Variants in CSMD1 observed in about 807,000 individuals in gnomAD.
CSMD1 encodes the protein CUB and Sushi multiple domains 1.
Under a neutral mutation model 417.5 loss-of-function variants are expected in CSMD1, and 213 were observed. That is an observed-to-expected ratio of 0.51 (90% CI 0.46 to 0.57). The LOEUF is 0.57. Among genes scored for constraint, CSMD1 ranks in the 20% least tolerant of loss-of-function variants. The pLI, the probability that CSMD1 is intolerant of heterozygous loss-of-function variation, is 0.00. For missense variants in CSMD1, 6,923 were observed against 4,529.7 expected, an observed-to-expected ratio of 1.53 and a Z score of -15.17; for synonymous variants, 2,862 against 1,736.8, an observed-to-expected ratio of 1.65 and a Z score of -16.11.
intron 3 of CSMD1, among the ~76,000 whole-genome samples, chr8:4,131,781 G>C (rs1361104034): frequency 1.7e-4 from 2 of 11,594 alleles, no homozygotes; most frequent in African/African-American, 6.4e-4. Context: ...TTTTTTTTTT[G>C]AGACGGAGTC....
At chr8:2,954,580 A>T (rs1585045926) in intron 64 of CSMD1, among the ~76,000 whole-genome samples, 1 of 152,162 alleles carries the variant, frequency 6.6e-6, no homozygotes. Context: ...TGTTTGGAAT[A>T]CCCTGCCACA....
At chr8:3,612,515 G>T (rs940833832) in intron 8 of CSMD1, among the ~76,000 whole-genome samples, 1 of 152,092 alleles carries the variant, frequency 6.6e-6, no homozygotes, top group Non-Finnish European at 1.5e-5. Context: ...TTATTTTCAA[G>T]TGGTCATGGA....
chr8:4,659,427 G>T lies in CSMD1; in HGVS notation c.86-21869C>A, dbSNP rs192711909. 3.6e-3 allele frequency among the ~76,000 whole-genome samples: 542 copies of T among 152,236 alleles called. 4 individuals carry two copies. Among genetic ancestry groups the T allele is most frequent in the African/African-American group, 0.012 (512 of 41,544 alleles). On this transcript the variant is annotated intron_variant, in intron 1 of 69. Transcript: ENST00000635120. Reference sequence around the variant, plus strand: ...ACAATAGAATCTACAAACATAATGTGACATAGACTTGCAGTGGAATACCAC... The same window carrying T: ...ACAATAGAATCTACAAACATAATGTTACATAGACTTGCAGTGGAATACCAC...
At chr8:4,656,494 A>G (rs965259730) in intron 1 of CSMD1, among the ~76,000 whole-genome samples, 7 of 151,964 alleles carry the variant, frequency 4.6e-5, no homozygotes, top group Non-Finnish European at 1.0e-4. Context: ...ACCATTTCAT[A>G]AAAAAATCCA....
intron 11 of CSMD1, among the ~76,000 whole-genome samples, chr8:3,475,606 T>A (rs866949229): frequency 2.6e-5 from 4 of 152,300 alleles, no homozygotes; most frequent in African/African-American, 7.2e-5. Flanking sequence ...TAATCCAACC[T>A]GAAGGAACTC....
At chr8:4,604,445 A>T (rs905362181) in intron 2 of CSMD1, among the ~76,000 whole-genome samples, 1 of 150,572 alleles carries the variant, frequency 6.6e-6, no homozygotes, top group Non-Finnish European at 1.5e-5. Flanking sequence ...CCAGGAAGGA[A>T]GGATCATCAA....
At chr8:3,208,325 G>C (rs545130800) in intron 30 of CSMD1, among the ~76,000 whole-genome samples, 4 of 152,112 alleles carry the variant, frequency 2.6e-5, no homozygotes, top group Admixed American at 6.6e-5. Context: ...GGAGTGCAGT[G>C]GTGTGATGTC....
chr8:3,667,383 G>A (rs997219004), intron 7 of CSMD1, among the ~76,000 whole-genome samples: 24 of 152,198 alleles, frequency 1.6e-4, no homozygotes, highest in African/African-American at 2.6e-4. Flanking sequence ...GAAAGGTCTC[G>A]GAGGAGTGAA....
intron 10 of CSMD1, among the ~76,000 whole-genome samples, chr8:3,496,425 C>T (rs991186610): frequency 6.6e-6 from 1 of 152,210 alleles, no homozygotes; most frequent in Non-Finnish European, 1.5e-5. Flanking sequence ...ACTCACTGAA[C>T]ATCAACTCCT....
intron 2 of CSMD1, among the ~76,000 whole-genome samples, chr8:4,441,094 G>GGTTTTTTTTTTT (rs1798443290): frequency 3.7e-5 from 1 of 27,074 alleles, no homozygotes; most frequent in African/African-American, 1.2e-4. Context: ...TTAATCAAAA[G>GGTTTTTTTTTTT]GTTTTTTTTT....
At chr8:3,879,685 G>C (rs1487335066) in intron 5 of CSMD1, among the ~76,000 whole-genome samples, 1 of 152,032 alleles carries the variant, frequency 6.6e-6, no homozygotes, top group African/African-American at 2.4e-5. Flanking sequence ...ACGTCACATA[G>C]TTCTCAGAAA....
At chr8:3,695,387 G>C (rs1397593660) in intron 7 of CSMD1, among the ~76,000 whole-genome samples, 2 of 149,130 alleles carry the variant, frequency 1.3e-5, no homozygotes, top group Non-Finnish European at 2.9e-5. Flanking sequence ...AACGTGTCCT[G>C]TATGCTAAAA....
intron 1 of CSMD1, among the ~76,000 whole-genome samples, chr8:4,779,873 G>T (rs368135212): frequency 6.6e-6 from 1 of 152,022 alleles, no homozygotes; most frequent in Non-Finnish European, 1.5e-5. Flanking sequence ...TGCTCCCCAG[G>T]CTTGCTGCTT....
chr8:3,087,337 C>G, intron 48 of CSMD1, 52 bp from the exon 49 acceptor site: 3 of 1,557,004 alleles, frequency 1.9e-6, no homozygotes, highest in Non-Finnish European at 2.7e-6. Flanking sequence ...AACAAATGGC[C>G]AGTGCCATTG....
chr8:4,146,950 G>A lies in CSMD1; in HGVS notation c.416-114851C>T, dbSNP rs144608874. Among the ~76,000 whole-genome samples the A allele has an allele frequency of 3.0e-3, 431 of 144,190 alleles. 19 individuals are homozygous for A. Among genetic ancestry groups the A allele is most frequent in the African/African-American group, 0.012 (400 of 34,222 alleles). 94.6% of individuals were successfully genotyped at this position (144,190 alleles called of 152,430 possible). On this transcript the variant is annotated intron_variant, in intron 3 of 69. Coordinates refer to ENST00000635120, the MANE Select transcript of CSMD1 (RefSeq NM_033225.6). ...TTTAAGGAAGTCAACTCACCTCACC[G>A]GCATCAGGCATCTTCATCAGGTAAG... is the stretch of plus-strand genomic sequence containing the variant.
At chr8:3,556,550 A>C (rs149174436) in intron 10 of CSMD1, among the ~76,000 whole-genome samples, 797 of 53,254 alleles carry the variant, frequency 0.015, 6 homozygotes, top group Middle Eastern at 0.032. Context: ...ACACACACAC[A>C]CCCTCTCTCT....
At chr8:3,846,984 A>AT (rs1803552405) in intron 5 of CSMD1, among the ~76,000 whole-genome samples, 2 of 152,186 alleles carry the variant, frequency 1.3e-5, no homozygotes, top group South Asian at 4.2e-4. Context: ...CCCAGGATTT[A>AT]CTTTTTAAAT....
chr8:4,644,386 C>T (rs1223800016), intron 1 of CSMD1, among the ~76,000 whole-genome samples: 2 of 147,176 alleles, frequency 1.4e-5, no homozygotes, highest in Non-Finnish European at 3.0e-5. Flanking sequence ...CAGCAACATT[C>T]TTCCAACATT....
At chr8:3,126,840 G>A (rs1817537822) in intron 41 of CSMD1, among the ~76,000 whole-genome samples, 1 of 152,160 alleles carries the variant, frequency 6.6e-6, no homozygotes, top group Non-Finnish European at 1.5e-5. Flanking sequence ...AATGCTTCGG[G>A]AGGACCAGCC....
Sources: allele counts gnomAD v4.1 joint callset (sites outside exome capture counted in the v4.1 genomes callset), GRCh38; gene constraint gnomAD v4.1.1; transcripts MANE v1.5; gene names NCBI Gene and HGNC (gene_info 2026-07-23, HGNC 2026-07-21).